Variants in NFU1 observed in about 807,000 individuals in gnomAD.
NFU1 encodes NFU1 iron-sulfur cluster scaffold homolog, mitochondrial.
A neutral mutation model predicts 32.2 loss-of-function variants in NFU1; 30 were observed. The ratio of observed to expected loss-of-function variants is 0.93; its 90% CI spans 0.70 to 1.26. The LOEUF is 1.26. NFU1 is among the 50% of genes most tolerant of loss of function. The pLI is 0.00. For missense variants in NFU1, 306 were observed against 306.6 expected, an observed-to-expected ratio of 1.00 and a Z score of 0.02; for synonymous variants, 112 against 104.6, an observed-to-expected ratio of 1.07 and a Z score of -0.43.
chr2:69,401,218 C>A (rs1672511343), intron 6 of NFU1, among the ~76,000 whole-genome samples: 1 of 152,202 alleles, frequency 6.6e-6, no homozygotes, highest in South Asian at 2.1e-4. Flanking sequence ...AGAAACAACA[C>A]CAAACCTCCA....
At chr2:69,409,682 T>C (rs1002883528) in intron 5 of NFU1, among the ~76,000 whole-genome samples, 3 of 152,144 alleles carry the variant, frequency 2.0e-5, no homozygotes, top group East Asian at 1.9e-4. Flanking sequence ...AGAGATCACA[T>C]GGTGAGACAG....
In NFU1 at chr2:69,415,203, T is replaced by C. The variant is rs1228890138; in HGVS notation, c.466A>G (p.Thr156Ala). 6.2e-7 allele frequency: 1 copy of C among 1,603,992 alleles called. No individual in the cohort carries two copies. The highest frequency in any genetic ancestry group is 8.5e-7 in the Non-Finnish European group (1 of 1,170,956). The change falls in exon 5 of 8, where the codon ACA (threonine) becomes GCA (alanine). Residue 156 changes from threonine to alanine, a missense_variant. Transcript: ENST00000410022. ...ASGLPLVTEE[T>A]PSGEAGSEED... is the part of the protein sequence containing the mutation. ...ATGTTACCTGCTTCTCCTGAAGGTG[T>C]TTCCTCAGTAACCAGGGGTAAGCCA...
chr2:69,416,846 C>G (rs1275044843), intron 4 of NFU1, among the ~76,000 whole-genome samples: 1 of 152,022 alleles, frequency 6.6e-6, no homozygotes, highest in Non-Finnish European at 1.5e-5. Context: ...TGCAGTGAGC[C>G]GAGATCGTGC....
rs1673885717 is a variant in NFU1 at position 69,437,395 on chromosome 2, C to T, written c.28G>A (p.Gly10Arg). The T allele has an allele frequency of 6.2e-7, 1 of 1,610,376 alleles. No individual in the cohort carries two copies. The change falls in exon 1 of 8, where the codon GGA (glycine) becomes AGA (arginine). Residue 10 changes from glycine to arginine, a missense_variant. Coordinates refer to ENST00000410022, the MANE Select transcript of NFU1 (RefSeq NM_001002755.4). ...AGCCCGGCGGCAACAGCCGCAGCTC[C>T]CCAGCCCCGCCTGGCCGTCGCCGCC... MAATARRGW[G>R]AAAVAAGLRR...
chr2:69,421,173 C>G (rs1673226422), intron 3 of NFU1, among the ~76,000 whole-genome samples: 2 of 151,988 alleles, frequency 1.3e-5, no homozygotes, highest in South Asian at 4.2e-4. Context: ...CATCACACTC[C>G]AGACACTCCA....
At chr2:69,430,214 T>C (rs975239303) in intron 2 of NFU1, among the ~76,000 whole-genome samples, 1 of 87,810 alleles carries the variant, frequency 1.1e-5, no homozygotes, top group Non-Finnish European at 2.1e-5. Context: ...AAAATATTTC[T>C]TCCTTTTTTT....
chr2:69,420,145 A>G (rs4131555), intron 3 of NFU1, among the ~76,000 whole-genome samples: 21,406 of 152,002 alleles, frequency 0.14, 1,647 homozygotes, highest in Non-Finnish European at 0.17. Context: ...AGCTGGGATT[A>G]CAGGCGCCCA....
intron 1 of NFU1, 52 bp downstream of exon 1, chr2:69,437,309 G>C: frequency 6.4e-7 from 1 of 1,573,728 alleles, no homozygotes; most frequent in East Asian, 2.3e-5. Flanking sequence ...CGACCGCTCC[G>C]CTGGCTAAGC....
At chr2:69,418,400 A>G (rs1206922005) in intron 4 of NFU1, among the ~76,000 whole-genome samples, 2 of 152,164 alleles carry the variant, frequency 1.3e-5, no homozygotes, top group African/African-American at 4.8e-5. Context: ...CTTTGTCTCT[A>G]AATAAATAGC....
upstream of NFU1, among the ~76,000 whole-genome samples, chr2:69,438,991 C>A (rs1160410180): frequency 6.6e-6 from 1 of 150,916 alleles, no homozygotes; most frequent in East Asian, 1.9e-4. Flanking sequence ...TGTGGCTCTT[C>A]CACCTTGGAA....
Position 69,406,017 on chromosome 2 carries a change from C to T in NFU1, c.545+5G>A, listed in dbSNP as rs756085990. On this transcript the variant is annotated splice_donor_5th_base_variant and intron_variant, in intron 6 of 7. Coordinates refer to ENST00000410022, the MANE Select transcript of NFU1 (RefSeq NM_001002755.4). ...TTGAATTCAGGTAGAGAGAGGAGCA[C>T]GTACCGTATTCTAGTATCTAACAAT... The T allele has an allele frequency of 9.5e-6, 15 of 1,574,370 alleles. No homozygotes were observed. The highest frequency in any genetic ancestry group is 3.3e-5 in the Admixed American group (2 of 59,936).
intron 1 of NFU1, among the ~76,000 whole-genome samples, chr2:69,435,435 C>T (rs542291154): frequency 6.6e-6 from 1 of 152,214 alleles, no homozygotes; most frequent in Non-Finnish European, 1.5e-5. Context: ...ATTTTTTTCT[C>T]TCTCTCACAA....
chr2:69,410,987 T>G, intron 5 of NFU1: 1 of 152,070 alleles, frequency 6.6e-6, no homozygotes, highest in East Asian at 1.9e-4. Context: ...TATCATATAC[T>G]ATACTAATTG....
intron 7 of NFU1, among the ~76,000 whole-genome samples, chr2:69,399,736 A>G (rs1048327647): frequency 6.6e-6 from 1 of 152,172 alleles, no homozygotes; most frequent in Non-Finnish European, 1.5e-5. Context: ...TTTTTGTGCA[A>G]TCAGGGCAGC....
At chr2:69,437,444 G>C, upstream of NFU1, 1 of 1,608,728 alleles carries the variant, frequency 6.2e-7, no homozygotes. Context: ...GTGCCTAAGG[G>C]TCTCCCTGAC....
intron 2 of NFU1, among the ~76,000 whole-genome samples, chr2:69,427,838 G>A (rs1673515234): frequency 6.6e-6 from 1 of 150,432 alleles, no homozygotes; most frequent in Non-Finnish European, 1.5e-5. Context: ...GTAGAGGTAG[G>A]GTTATTTTGT....
At chr2:69,431,853 T>C (rs1420410357) in intron 2 of NFU1, 49 bp downstream of exon 2, 7 of 1,092,452 alleles carry the variant, frequency 6.4e-6, no homozygotes, top group Non-Finnish European at 9.9e-6. Context: ...CCTAGCACAG[T>C]TCCATCAGTT....
chr2:69,397,416 C>T (rs912643038), intron 7 of NFU1, among the ~76,000 whole-genome samples: 1 of 152,100 alleles, frequency 6.6e-6, no homozygotes, highest in Non-Finnish European at 1.5e-5. Context: ...GAAAAAGTTA[C>T]ATAAACCTAA....
In NFU1 at chr2:69,415,968, AT is replaced by A. The variant is rs568756078; in HGVS notation, c.370-670del. Among the ~76,000 whole-genome samples, 909 of 141,422 alleles carry A rather than the reference AT, an allele frequency of 6.4e-3. 11 individuals carry two copies. Among genetic ancestry groups the A allele is most frequent in the African/African-American group, 0.023 (870 of 37,314 alleles). The allele number at this position is 141,422 out of a possible 152,430, so 92.8% of individuals were successfully genotyped here. A position where few individuals can be genotyped will look rare whatever the true frequency, so the allele number is the denominator to read the frequency against. ...ATAGCGAGACTTCGTCTCTTTTTATATTTTTAAAAATAATAAAGGGAAAGGA... is the reference window on the plus strand; with the variant it reads ...ATAGCGAGACTTCGTCTCTTTTTATATTTTAAAAATAATAAAGGGAAAGGA... On this transcript the variant is annotated intron_variant, in intron 4 of 7. Coordinates refer to ENST00000410022, the MANE Select transcript of NFU1 (RefSeq NM_001002755.4).
Sources: allele counts gnomAD v4.1 joint callset (sites outside exome capture counted in the v4.1 genomes callset), GRCh38; gene constraint gnomAD v4.1.1; transcripts MANE v1.5; gene names NCBI Gene and HGNC (gene_info 2026-07-23, HGNC 2026-07-21).